Variants in VCL observed in about 807,000 individuals in gnomAD.
VCL encodes vinculin.
A neutral mutation model predicts 125.7 loss-of-function variants in VCL; 47 were observed. That is an observed-to-expected ratio of 0.37 (90% confidence interval 0.30 to 0.48). The LOEUF is 0.48. Ranked by LOEUF, VCL falls within the 20% of genes least tolerant of loss-of-function variation. VCL has a pLI of 0.99. For missense variants in VCL, 1,069 were observed against 1,455.5 expected (o/e 0.73, Z 4.32); for synonymous variants, 458 against 514.6 (o/e 0.89, Z 1.49).
intron 7 of VCL, 25 bp from the exon 8 acceptor site, chr10:74,083,341 G>C (rs1440784006): frequency 6.2e-7 from 1 of 1,612,818 alleles, no homozygotes; most frequent in East Asian, 2.2e-5. Flanking sequence ...CAACAATGTA[G>C]TTATTGAATA....
chr10:74,047,247 T>A (rs1841209854), intron 2 of VCL, among the ~76,000 whole-genome samples: 1 of 152,174 alleles, frequency 6.6e-6, no homozygotes, highest in African/African-American at 2.4e-5. Context: ...CAGTGAGCTG[T>A]CATTATGCCA....
At chr10:74,114,644 A>G in intron 20 of VCL, 151 bp from the exon 21 acceptor site, 1 of 939,568 alleles carries the variant, frequency 1.1e-6, no homozygotes, top group South Asian at 1.4e-5. Context: ...TACTGACCCT[A>G]GGGGAAAAAA....
chr10:74,018,177 G>GATATATATATATATATATATATATAT (rs72407698), intron 1 of VCL, among the ~76,000 whole-genome samples: 103 of 81,778 alleles, frequency 1.3e-3, no homozygotes, highest in Non-Finnish European at 1.8e-3. Flanking sequence ...ATATATATAG[G>GATATATATATATATATATATATATAT]ATATATATAT....
intron 2 of VCL, among the ~76,000 whole-genome samples, chr10:74,062,708 C>T (rs925303002): frequency 6.6e-6 from 1 of 152,054 alleles, no homozygotes; most frequent in African/African-American, 2.4e-5. Context: ...CTTTAGCCTC[C>T]TGAGTAGCTG....
intron 17 of VCL, 72 bp from the exon 18 acceptor site, chr10:74,108,899 T>C: frequency 6.3e-7 from 1 of 1,591,572 alleles, no homozygotes; most frequent in South Asian, 1.1e-5. Flanking sequence ...GGATGCTTTT[T>C]AGAAGAAAGG....
intron 1 of VCL, among the ~76,000 whole-genome samples, chr10:74,019,733 G>T (rs779243536): frequency 9.9e-5 from 15 of 152,132 alleles, no homozygotes; most frequent in Non-Finnish European, 1.9e-4. Flanking sequence ...TAGTGTTCTC[G>T]ATTTTGAAAA....
At chr10:74,110,563 G>A (rs1204596716) in intron 18 of VCL, among the ~76,000 whole-genome samples, 2 of 152,200 alleles carry the variant, frequency 1.3e-5, no homozygotes, top group Admixed American at 1.3e-4. Flanking sequence ...TAGCAGCAGT[G>A]AGCTGGCTTT....
At chr10:74,096,646 C>T (rs1214739721) in intron 12 of VCL, among the ~76,000 whole-genome samples, 3 of 152,144 alleles carry the variant, frequency 2.0e-5, no homozygotes, top group African/African-American at 7.2e-5. Context: ...TCTAAGAATA[C>T]TCTTATTTAG....
rs188573087 is a variant in VCL, at chr10:74,015,318, C to T, written c.168+16943C>T. Among the ~76,000 whole-genome samples the T allele has an allele frequency of 4.7e-3, 719 of 152,214 alleles. 4 individuals are homozygous for T. The highest frequency in any genetic ancestry group is 0.016 in the African/African-American group (656 of 41,542). On this transcript the variant is annotated intron_variant, in intron 1 of 21. Coordinates refer to ENST00000211998, the MANE Select transcript of VCL (RefSeq NM_014000.3). ...CTGTAATCCCAGCACTTTGGGGGGC[C>T]CAGGCGGGTGGATCGCTTGAGGTCA... is the stretch of plus-strand genomic sequence containing the variant.
intron 11 of VCL, among the ~76,000 whole-genome samples, chr10:74,095,279 A>G (rs1359476067): frequency 6.6e-6 from 1 of 152,184 alleles, no homozygotes; most frequent in Non-Finnish European, 1.5e-5. Flanking sequence ...AGATAGTGAA[A>G]TAAAAATAAA....
chr10:74,017,378 T>C (rs1156264740), intron 1 of VCL, among the ~76,000 whole-genome samples: 1 of 152,166 alleles, frequency 6.6e-6, no homozygotes, highest in Non-Finnish European at 1.5e-5. Context: ...TTATATTCCA[T>C]TGTATGTGCA....
intron 10 of VCL, 79 bp from the exon 11 acceptor site, chr10:74,094,192 G>A (rs1839930503): frequency 2.5e-5 from 39 of 1,563,888 alleles, no homozygotes; most frequent in Admixed American, 3.5e-5. Flanking sequence ...CATCCTATTA[G>A]CATTTGTCAT....
chr10:74,116,731 A>G, intron 21 of VCL, among the ~76,000 whole-genome samples: 1 of 151,998 alleles, frequency 6.6e-6, no homozygotes, highest in Non-Finnish European at 1.5e-5. Context: ...AAACAACAAC[A>G]AAAAACAAAA....
intron 2 of VCL, among the ~76,000 whole-genome samples, chr10:74,045,101 G>T (rs1302018909): frequency 6.6e-6 from 1 of 152,080 alleles, no homozygotes; most frequent in East Asian, 1.9e-4. Flanking sequence ...AGCTGGGGAA[G>T]TTAAGGCTGC....
intron 14 of VCL, among the ~76,000 whole-genome samples, chr10:74,101,515 AT>A (rs1019483227): frequency 1.6e-5 from 2 of 125,752 alleles, no homozygotes; most frequent in African/African-American, 3.1e-5. Flanking sequence ...TAACATTTGA[AT>A]TTTTTTTTAC....
chr10:74,114,438 CGTGTGTGT>C, intron 20 of VCL, 51 bp downstream of exon 20: 1 of 1,078,574 alleles, frequency 9.3e-7, no homozygotes, highest in Non-Finnish European at 1.3e-6. Flanking sequence ...TGTGTGTGTG[CGTGTGTGT>C]GTGTGTTGGA....
At chr10:74,067,174 G>T (rs1841582888) in intron 2 of VCL, among the ~76,000 whole-genome samples, 1 of 152,084 alleles carries the variant, frequency 6.6e-6, no homozygotes, top group South Asian at 2.1e-4. Flanking sequence ...TTAATAACTA[G>T]CTTATCTAAG....
chr10:74,060,567 G>A lies in VCL; in HGVS notation c.240-10103G>A, dbSNP rs957854893. On this transcript the variant is annotated intron_variant, in intron 2 of 21. Transcript: ENST00000211998. ...GCTACTTGGGAGGCTGAGGCAGGAG[G>A]ATTGCTTGAGCCCAGGGAACGGAGG... 2.7e-5 allele frequency among the ~76,000 whole-genome samples: 4 copies of A among 147,932 alleles called. No individual in the cohort carries two copies. In the South Asian group the frequency reaches 6.4e-4, roughly 23 times the overall value.
chr10:74,066,334 C>T (rs1841569975), intron 2 of VCL, among the ~76,000 whole-genome samples: 1 of 152,150 alleles, frequency 6.6e-6, no homozygotes, highest in African/African-American at 2.4e-5. Flanking sequence ...GCTGAGATTA[C>T]AGGCGTGAGC....
Sources: allele counts gnomAD v4.1 joint callset (sites outside exome capture counted in the v4.1 genomes callset), GRCh38; gene constraint gnomAD v4.1.1; transcripts MANE v1.5; gene names NCBI Gene and HGNC (gene_info 2026-07-23, HGNC 2026-07-21).